Variants in WNT8B observed in about 807,000 individuals in gnomAD.
WNT8B encodes protein Wnt-8b.
A neutral mutation model predicts 36.6 loss-of-function variants in WNT8B; 24 were observed. The observed-to-expected ratio is 0.66, with a 90% CI of 0.48 to 0.92. The LOEUF (loss-of-function observed/expected upper bound fraction) is 0.92. Among genes scored for constraint, WNT8B ranks in the 40% least tolerant of loss-of-function variants. WNT8B has a pLI of 0.00. For missense variants in WNT8B, 402 were observed against 470.8 expected (o/e 0.85, Z 1.35); for synonymous variants, 199 against 189.8 (o/e 1.05, Z -0.40).
intron 1 of WNT8B, among the ~76,000 whole-genome samples, chr10:100,464,936 GTT>G: frequency 6.6e-6 from 1 of 152,254 alleles, no homozygotes; most frequent in Admixed American, 6.5e-5. Flanking sequence ...AACTATCACG[GTT>G]TTGCATAAGG....
chr10:100,465,037 G>T (rs1306668669), intron 1 of WNT8B, among the ~76,000 whole-genome samples: 1 of 152,122 alleles, frequency 6.6e-6, no homozygotes, highest in Non-Finnish European at 1.5e-5. Flanking sequence ...AACCTTTTAT[G>T]TAAGGACCTC....
chr10:100,482,797 A>G lies in WNT8B; in HGVS notation c.1037A>G (p.Lys346Arg). 1.9e-6 allele frequency: 3 copies of G among 1,577,672 alleles called. No homozygotes were observed. Among genetic ancestry groups the G allele is most frequent in the East Asian group, 4.5e-5 (2 of 44,006 alleles). ...AERPRGGAAHKPGRKP is the reference protein window; with the variant it reads ...AERPRGGAAHRPGRKP ...CGGCCGCGGGGGGGCGCTGCGCACAAACCCGGGAGAAAACCCTAAGGGTTT... is the reference window on the plus strand; with the variant it reads ...CGGCCGCGGGGGGGCGCTGCGCACAGACCCGGGAGAAAACCCTAAGGGTTT... Residue 346 changes from lysine (K) to arginine (R), a missense_variant, in exon 6 of 6, where the codon AAA becomes AGA. By Grantham distance (26) the Lys-to-Arg change is conservative. Transcript: ENST00000343737. The surrounding 1 kb of genome is among the most constrained non-coding windows in gnomAD (Gnocchi z 6.6).
chr10:100,465,852 G>A (rs1312092245), intron 1 of WNT8B, among the ~76,000 whole-genome samples: 1 of 152,004 alleles, frequency 6.6e-6, no homozygotes, highest in Non-Finnish European at 1.5e-5. Context: ...ATGACATGTG[G>A]GACTCCTGAT....
chr10:100,464,561 G>T (rs183019109), intron 1 of WNT8B, among the ~76,000 whole-genome samples: 57 of 152,268 alleles, frequency 3.7e-4, no homozygotes, highest in African/African-American at 1.3e-3. Flanking sequence ...TTTACTGTGT[G>T]TTCCCTTCCC....
chr10:100,479,025 T>C (rs1451578501), intron 1 of WNT8B, 27 bp from the exon 2 acceptor site: 4 of 1,584,838 alleles, frequency 2.5e-6, no homozygotes, highest in Non-Finnish European at 3.4e-6. Context: ...CATTATATTC[T>C]GTTTTTGTTT....
In WNT8B at chr10:100,482,339, C is replaced by A; in HGVS notation, c.579C>A (p.Thr193=). ...TGTCTGGCAGCTGCACCACGCAGAC[C>A]TGTTGGCTGCAGCTGCCCGAGTTCC... ...HGVSGSCTTQ[T]CWLQLPEFRE... Residue 193 remains threonine, a synonymous_variant, in exon 6 of 6, where the codon ACC becomes ACA. Transcript: ENST00000343737. The surrounding 1 kb of genome is among the most constrained non-coding windows in gnomAD (Gnocchi z 6.6). 1 of 1,603,768 alleles carries A rather than the reference C, an allele frequency of 6.2e-7. No individual in the cohort carries two copies.
intron 1 of WNT8B, among the ~76,000 whole-genome samples, chr10:100,477,354 G>A (rs1851050030): frequency 6.6e-6 from 1 of 151,308 alleles, no homozygotes; most frequent in Non-Finnish European, 1.5e-5. Context: ...AGGCTGGAGT[G>A]CAGTGGCGCG....
At chr10:100,479,408 G>A (rs1051701446) in intron 2 of WNT8B, among the ~76,000 whole-genome samples, 2 of 152,146 alleles carry the variant, frequency 1.3e-5, no homozygotes, top group African/African-American at 4.8e-5. Flanking sequence ...AGTTTCCCAT[G>A]TTTAAAATGC....
chr10:100,481,191 G>C, intron 4 of WNT8B, 68 bp downstream of exon 4: 1 of 1,582,474 alleles, frequency 6.3e-7, no homozygotes, highest in South Asian at 1.1e-5. Flanking sequence ...AAGCCTGGTG[G>C]GGGTGAAGAA....
chr10:100,477,193 G>A (rs1347143552), intron 1 of WNT8B, among the ~76,000 whole-genome samples: 1 of 152,042 alleles, frequency 6.6e-6, no homozygotes, highest in Non-Finnish European at 1.5e-5. Context: ...CTTCCTTGAG[G>A]TTCATCCAAG....
At chr10:100,470,701 C>T (rs936331436) in intron 1 of WNT8B, among the ~76,000 whole-genome samples, 2 of 152,140 alleles carry the variant, frequency 1.3e-5, no homozygotes, top group Admixed American at 6.5e-5. Context: ...TCAAATTCTG[C>T]AGATTCATAT....
chr10:100,480,873 ATGGGG>A, intron 3 of WNT8B, 120 bp from the exon 4 acceptor site: 1 of 1,113,820 alleles, frequency 9.0e-7, no homozygotes, highest in East Asian at 2.5e-5. Flanking sequence ...AATAATAAAG[ATGGGG>A]AAATAGGATG....
At position 100,468,020 on chromosome 10, in the gene WNT8B, T is replaced by C. The variant is rs1010971493; in HGVS notation, c.68+4784T>C. Reference sequence around the variant, plus strand: ...TAATTAGAATGAAGTTTGGGGAACATTGTACATTTCTCCCATTGCCCTTAG... The same window carrying C: ...TAATTAGAATGAAGTTTGGGGAACACTGTACATTTCTCCCATTGCCCTTAG... On this transcript the variant is annotated intron_variant, in intron 1 of 5. Transcript: ENST00000343737. 2.0e-5 allele frequency among the ~76,000 whole-genome samples: 3 copies of C among 152,224 alleles called. No homozygotes were observed. The South Asian group carries it at 6.2e-4, about 32-fold the overall frequency.
Position 100,482,542 on chromosome 10 carries a change from C to G in WNT8B, c.782C>G (p.Thr261Arg). 2.5e-6 allele frequency: 4 copies of G among 1,599,542 alleles called. No individual in the cohort carries two copies. Among genetic ancestry groups the G allele is most frequent in the Non-Finnish European group, 3.4e-6 (4 of 1,179,200 alleles). ...CCGGACTACTGCCTGGAGAACAAAACGCTAGGGCTGCTGGGCACCGAAGGC... is the reference window on the plus strand; with the variant it reads ...CCGGACTACTGCCTGGAGAACAAAAGGCTAGGGCTGCTGGGCACCGAAGGC... ...DSPDYCLENKTLGLLGTEGRE... is the reference protein window; with the variant it reads ...DSPDYCLENKRLGLLGTEGRE... Residue 261 changes from threonine to arginine, a missense_variant, in exon 6 of 6, where the codon ACG becomes AGG. Thr to Arg is a moderately conservative substitution (Grantham distance 71). Coordinates refer to ENST00000343737, the MANE Select transcript of WNT8B (RefSeq NM_003393.4). This position sits in a 1 kb window ranked among gnomAD's most constrained non-coding sequence, Gnocchi z 6.6.
chr10:100,472,258 C>G, intron 1 of WNT8B, among the ~76,000 whole-genome samples: 1 of 151,456 alleles, frequency 6.6e-6, no homozygotes, highest in East Asian at 2.0e-4. Context: ...CTACAGGCAC[C>G]CGCCACCACA....
At chr10:100,480,335 C>G (rs1335456955) in intron 3 of WNT8B, among the ~76,000 whole-genome samples, 1 of 152,212 alleles carries the variant, frequency 6.6e-6, no homozygotes, top group East Asian at 1.9e-4. Flanking sequence ...CATAATTCCT[C>G]AGACCTCTTA....
At chr10:100,481,412 G>A (rs1044290245) in intron 4 of WNT8B, among the ~76,000 whole-genome samples, 2 of 152,112 alleles carry the variant, frequency 1.3e-5, no homozygotes, top group Non-Finnish European at 2.9e-5. Flanking sequence ...ACTTCCTTCC[G>A]TGTTGCCTAT....
chr10:100,472,125 T>C (rs1850985422), intron 1 of WNT8B, among the ~76,000 whole-genome samples: 3 of 151,252 alleles, frequency 2.0e-5, no homozygotes, highest in Admixed American at 2.0e-4. Context: ...TCTTTTTTTT[T>C]TTTGAGATGG....
chr10:100,481,926 C>CTG lies in WNT8B; in HGVS notation c.385_386dup (p.Trp129CysfsTer33). ...CACTTTTCCAGGGGGACAAGGCTGGCTGTGGGGAGGCTGCAGTGACAATGT... is the reference window on the plus strand; with the variant it reads ...CACTTTTCCAGGGGGACAAGGCTGGCTGTGTGGGGAGGCTGCAGTGACAATGT... On this transcript the variant is annotated frameshift_variant, in exon 5 of 6. Transcript: ENST00000343737. LOFTEE classifies it high-confidence loss of function. 6.2e-7 allele frequency: 1 copy of CTG among 1,614,038 alleles called. No homozygotes were observed. Among genetic ancestry groups the CTG allele is most frequent in the Non-Finnish European group, 8.5e-7 (1 of 1,179,992 alleles).
Sources: allele counts gnomAD v4.1 joint callset (sites outside exome capture counted in the v4.1 genomes callset), GRCh38; gene constraint gnomAD v4.1.1; non-coding constraint Gnocchi (gnomAD v3.1); transcripts MANE v1.5; gene names NCBI Gene and HGNC (gene_info 2026-07-23, HGNC 2026-07-21).